Variants in ZNF285 observed in about 807,000 individuals in gnomAD.
ZNF285 encodes zinc finger protein 285A.
A neutral mutation model predicts 6.2 loss-of-function variants in ZNF285; 4 were observed. That is an observed-to-expected ratio of 0.65 (90% confidence interval 0.32 to 1.49). The LOEUF is 1.49. Among genes scored for constraint, ZNF285 ranks in the 40% most tolerant of loss-of-function variants. The pLI is 0.07. For missense variants in ZNF285, 695 were observed against 708.8 expected, an observed-to-expected ratio of 0.98 and a Z score of 0.22; for synonymous variants, 240 against 245.8, an observed-to-expected ratio of 0.98 and a Z score of 0.22.
At chr19:44,393,841 A>G (rs985969907) in intron 2 of ZNF285, among the ~76,000 whole-genome samples, 12 of 152,158 alleles carry the variant, frequency 7.9e-5, no homozygotes, top group Admixed American at 6.5e-5. Context: ...CCATTGTGGA[A>G]GTCAGTGTGG....
chr19:44,392,412 G>A lies in ZNF285; in HGVS notation c.70C>T (p.Leu24=). ...AVVFTKEELA[L]LDKAQINLYQ... ...AGGTTTATCTGGGCTTTATCCAATA[G>A]TGCCAGCTCTTCCTTGGTGAAGACA... Residue 24 remains leucine (L), a synonymous_variant, in exon 3 of 4, where the codon CTA becomes TTA. Coordinates refer to ENST00000614994, the MANE Select transcript of ZNF285 (RefSeq NM_152354.6). 2 of 1,613,796 alleles carry A rather than the reference G, an allele frequency of 1.2e-6. No homozygotes were observed. Among genetic ancestry groups the A allele is most frequent in the South Asian group, 1.1e-5 (1 of 91,068 alleles).
At position 44,392,755 on chromosome 19, in the gene ZNF285, G is replaced by T. The variant is rs138943211; in HGVS notation, c.16-289C>A. 1.0e-3 allele frequency: 554 copies of T among 544,426 alleles called. 5 individuals carry two copies. Among genetic ancestry groups the T allele is most frequent in the African/African-American group, 9.5e-3 (496 of 52,394 alleles). 33.7% of individuals were successfully genotyped at this position (544,426 alleles called of 1,614,324 possible). ...TCTCATAAGGACACTAATCCTATTG[G>T]ATCAGGGATTCCCAAAGGACAGTAT... On this transcript the variant is annotated intron_variant, in intron 2 of 3. Coordinates refer to ENST00000614994, the MANE Select transcript of ZNF285 (RefSeq NM_152354.6).
chr19:44,392,357 C>T lies in ZNF285; in HGVS notation c.125G>A (p.Arg42Lys), dbSNP rs1252425227. ...LYQDVMLENFRNLMLVRDGIK... is the reference protein window; with the variant it reads ...LYQDVMLENFKNLMLVRDGIK... ...TTACTCACTCACTAACATGAGGTTC[C>T]TGAAGTTTTCCAGCATCACATCTTG... The change falls in exon 3 of 4, where the codon AGG becomes AAG. Residue 42 changes from arginine to lysine, a missense_variant. Physicochemically the swap from Arg to Lys is conservative, Grantham distance 26. Transcript: ENST00000614994. 2 of 1,613,840 alleles carry T rather than the reference C, an allele frequency of 1.2e-6. No individual in the cohort carries two copies. Among genetic ancestry groups the T allele is most frequent in the Non-Finnish European group, 1.7e-6 (2 of 1,179,820 alleles).
intron 3 of ZNF285, among the ~76,000 whole-genome samples, chr19:44,388,700 G>C (rs1421214152): frequency 2.2e-5 from 3 of 139,054 alleles, no homozygotes; most frequent in Non-Finnish European, 4.4e-5. Context: ...TATGGGAAAG[G>C]CTCCCATTTT....
chr19:44,392,383 G>A lies in ZNF285; in HGVS notation c.99C>T (p.Tyr33=), dbSNP rs750303656. 1 of 1,613,784 alleles carries A rather than the reference G, an allele frequency of 6.2e-7. No homozygotes were observed. The highest frequency in any genetic ancestry group is 1.7e-5 in the Admixed American group (1 of 60,000). The change falls in exon 3 of 4, where the codon TAC becomes TAT. Residue 33 remains tyrosine (Y), a synonymous_variant. Coordinates refer to ENST00000614994, the MANE Select transcript of ZNF285 (RefSeq NM_152354.6). ...ALLDKAQINL[Y]QDVMLENFRN... Reference sequence around the variant, plus strand: ...TGAAGTTTTCCAGCATCACATCTTGGTACAGGTTTATCTGGGCTTTATCCA... The same window carrying A: ...TGAAGTTTTCCAGCATCACATCTTGATACAGGTTTATCTGGGCTTTATCCA...
Position 44,386,840 on chromosome 19 carries a change from A to T in ZNF285, c.1405T>A (p.Ser469Thr), listed in dbSNP as rs765222718. 9 of 1,614,228 alleles carry T rather than the reference A, an allele frequency of 5.6e-6. No homozygotes were observed. In the South Asian group the frequency reaches 8.8e-5, roughly 16 times the overall value. ...NVCGKDFAYSSVLHTHQRVHT... is the reference protein window; with the variant it reads ...NVCGKDFAYSTVLHTHQRVHT... ...ACTCTCTGATGAGTGTGAAGAACAG[A>T]GCTATACGCAAAATCCTTTCCACAC... is the stretch of plus-strand genomic sequence containing the variant. Residue 469 changes from serine to threonine, a missense_variant, in exon 4 of 4, where the codon TCT (serine) becomes ACT (threonine). By Grantham distance (58) the Ser-to-Thr change is moderately conservative. Transcript: ENST00000614994.
At chr19:44,400,883 G>A (rs1971364396) in intron 1 of ZNF285, among the ~76,000 whole-genome samples, 1 of 152,062 alleles carries the variant, frequency 6.6e-6, no homozygotes, top group South Asian at 2.1e-4. Flanking sequence ...GCCAGGCCTG[G>A]GACAGTTCTT....
rs1028589117 is a variant in ZNF285 at position 44,386,977 on chromosome 19, G to T, written c.1268C>A (p.Thr423Lys). ...ACCACACCTATATGGTTTCTCCCCT[G>T]TGTGAAACCTCCAGTGGACTTGAAG... ...SVLQVHWRFH[T>K]GEKPYRCGEC... is the part of the protein sequence containing the mutation. The change falls in exon 4 of 4, where the codon ACA becomes AAA. Residue 423 changes from threonine to lysine, a missense_variant. Transcript: ENST00000614994. 1.2e-6 allele frequency: 2 copies of T among 1,614,092 alleles called. No individual in the cohort carries two copies.
At chr19:44,392,230 T>C in intron 3 of ZNF285, 110 bp downstream of exon 3, 1 of 1,553,124 alleles carries the variant, frequency 6.4e-7, no homozygotes, top group Non-Finnish European at 8.7e-7. Context: ...CTTAGGAGTT[T>C]TCTTTCCAGT....
chr19:44,398,014 C>T (rs1199794847), intron 1 of ZNF285, among the ~76,000 whole-genome samples: 1 of 151,872 alleles, frequency 6.6e-6, no homozygotes, highest in Non-Finnish European at 1.5e-5. Context: ...AAGAACATGC[C>T]GTTAGCCAAA....
rs943985238 is a variant in ZNF285, at chr19:44,386,459, T to C, written c.*13A>G. On this transcript the variant is annotated 3_prime_UTR_variant, in exon 4 of 4. Coordinates refer to ENST00000614994, the MANE Select transcript of ZNF285 (RefSeq NM_152354.6). ...GGCTTCTGTTTTACTAATTGAACCC[T>C]GACTTACTACATTTATAATGTTTCT... 1 of 1,604,240 alleles carries C rather than the reference T, an allele frequency of 6.2e-7. No homozygotes were observed. Among genetic ancestry groups the C allele is most frequent in the Admixed American group, 1.7e-5 (1 of 59,562 alleles).
intron 3 of ZNF285, among the ~76,000 whole-genome samples, chr19:44,389,089 C>G (rs1168095650): frequency 2.6e-5 from 4 of 151,074 alleles, no homozygotes; most frequent in South Asian, 2.1e-4. Context: ...AGAGACCACT[C>G]AGATCCTACA....
rs59812403 is a variant in ZNF285 at position 44,395,171 on chromosome 19, T to TATCATTTATAAATTTG, written c.15+2027_15+2028insCAAATTTATAAATGAT. ...CCCCAAAATATTAAGAAACCAAATTTATAAATGAATAAACACATGCAAAAA... is the reference window on the plus strand; with the variant it reads ...CCCCAAAATATTAAGAAACCAAATTTATCATTTATAAATTTGATAAATGAATAAACACATGCAAAAA... On this transcript the variant is annotated intron_variant, in intron 2 of 3. Coordinates refer to ENST00000614994, the MANE Select transcript of ZNF285 (RefSeq NM_152354.6). 1.9e-3 allele frequency among the ~76,000 whole-genome samples: 288 copies of TATCATTTATAAATTTG among 152,306 alleles called. 2 individuals are homozygous for TATCATTTATAAATTTG. Among genetic ancestry groups the TATCATTTATAAATTTG allele is most frequent in the African/African-American group, 6.7e-3 (277 of 41,542 alleles).
Position 44,387,617 on chromosome 19 carries a change from C to A in ZNF285, c.628G>T (p.Gly210Trp), listed in dbSNP as rs551385384. The change falls in exon 4 of 4, where the codon GGG (glycine) becomes TGG (tryptophan). Residue 210 changes from glycine (G) to tryptophan (W), a missense_variant. Gly to Trp is a radical substitution (Grantham distance 184). Transcript: ENST00000614994. Reference sequence around the variant, plus strand: ...GTTGATTTCATACCCAAGTTTTTCCCACAGCTGGGATGTCTACCAGGGTCC... The same window carrying A: ...GTTGATTTCATACCCAAGTTTTTCCAACAGCTGGGATGTCTACCAGGGTCC... ...GEDPGRHPSC[G>W]KNLGMKSTVE... 1 of 1,613,872 alleles carries A rather than the reference C, an allele frequency of 6.2e-7. No individual in the cohort carries two copies. Among genetic ancestry groups the A allele is most frequent in the Middle Eastern group, 1.7e-4 (1 of 6,056 alleles).
rs1335310240 is a variant in ZNF285 at position 44,396,407 on chromosome 19, A to G, written c.15+792T>C. Among the ~76,000 whole-genome samples, 10 of 152,310 alleles carry G rather than the reference A, an allele frequency of 6.6e-5. No homozygotes were observed. The South Asian group carries it at 1.9e-3, about 28-fold the overall frequency. On this transcript the variant is annotated intron_variant, in intron 2 of 3. Transcript: ENST00000614994. The stretch of plus-strand genomic sequence containing the variant: ...GTCTTTCTAATGTGTCAACTTGGCT[A>G]AGCTACAGTCCTCAGTTATTGAATC...
intron 2 of ZNF285, among the ~76,000 whole-genome samples, chr19:44,394,735 T>G (rs186902263): frequency 1.6e-4 from 24 of 152,284 alleles, no homozygotes; most frequent in South Asian, 1.2e-3. Context: ...AAACAAAAGT[T>G]GTAAGCAGTT....
intron 3 of ZNF285, among the ~76,000 whole-genome samples, chr19:44,390,399 G>C (rs560864740): frequency 6.6e-6 from 1 of 152,252 alleles, no homozygotes; most frequent in South Asian, 2.1e-4. Context: ...CTGCCCTGTT[G>C]GATTTCAGAC....
At chr19:44,397,332 A>G (rs564738068) in intron 1 of ZNF285, 76 bp from the exon 2 acceptor site, 1 of 1,547,938 alleles carries the variant, frequency 6.5e-7, no homozygotes, top group African/African-American at 1.4e-5. Flanking sequence ...CCTTATCTGT[A>G]CAAGTTTCTC....
rs1971055517 is a variant in ZNF285 at position 44,385,564 on chromosome 19, C to CA, written c.*907dup. The CA allele has an allele frequency of 3.3e-5, 5 of 152,212 alleles. No homozygotes were observed. The highest frequency in any genetic ancestry group is 2.6e-4 in the Admixed American group (4 of 15,280). The allele number at this position is 152,212 out of a possible 1,614,324, so 9.4% of individuals were successfully genotyped here. A position where few individuals can be genotyped will look rare whatever the true frequency, so the allele number is the denominator to read the frequency against. On this transcript the variant is annotated 3_prime_UTR_variant, in exon 4 of 4. Transcript: ENST00000614994. ...TATGTGGACTCCAATGACAATGAAA[C>CA]ATATTGCTATAAAATCCCTCCATGC...
Sources: allele counts gnomAD v4.1 joint callset (sites outside exome capture counted in the v4.1 genomes callset), GRCh38; gene constraint gnomAD v4.1.1; transcripts MANE v1.5; gene names NCBI Gene and HGNC (gene_info 2026-07-23, HGNC 2026-07-21).